Variants in ANKRD28 observed in about 807,000 individuals in gnomAD.
The protein encoded by ANKRD28 is ankyrin repeat domain 28.
ANKRD28 carries 44 observed loss-of-function variants against 126.5 expected under a neutral mutation model. The ratio of observed to expected loss-of-function variants is 0.35; its 90% CI spans 0.27 to 0.45. ANKRD28 has a LOEUF of 0.45. ANKRD28 is among the 20% of genes least tolerant of loss of function. The pLI is 1.00. For missense variants in ANKRD28, 1,110 were observed against 1,316.6 expected, an observed-to-expected ratio of 0.84 and a Z score of 2.43; for synonymous variants, 442 against 468.5, an observed-to-expected ratio of 0.94 and a Z score of 0.73.
rs1479247073 is a variant in ANKRD28 at position 15,681,497 on chromosome 3, CTTATT to C, written c.2390-1939_2390-1935del. 2.6e-5 allele frequency among the ~76,000 whole-genome samples: 4 copies of C among 152,216 alleles called. No individual in the cohort carries two copies. In the East Asian group the frequency reaches 7.7e-4, roughly 29 times the overall value. On this transcript the variant is annotated intron_variant, in intron 21 of 27. Coordinates refer to ENST00000683139, the MANE Select transcript of ANKRD28 (RefSeq NM_001349278.2). ...CCTAATTACTACAAATAAAATGTTG[CTTATT>C]TTATTTCATTAGTCATTTGGGATCT...
intron 14 of ANKRD28, among the ~76,000 whole-genome samples, chr3:15,697,605 T>C (rs957575879): frequency 6.6e-6 from 1 of 151,782 alleles, no homozygotes; most frequent in African/African-American, 2.4e-5. Context: ...TGAAGCCGAG[T>C]TGATTGTGGT....
chr3:15,787,024 A>AC (rs2059813567), intron 2 of ANKRD28, among the ~76,000 whole-genome samples: 1 of 152,156 alleles, frequency 6.6e-6, no homozygotes, highest in Non-Finnish European at 1.5e-5. Flanking sequence ...TTACCAATGA[A>AC]GAGGGTTAAT....
intron 2 of ANKRD28, chr3:15,781,657 T>C (rs2059544104): frequency 2.6e-5 from 4 of 152,184 alleles, no homozygotes. Context: ...GAAGTACTGC[T>C]GGAATATAAA....
chr3:15,792,707 G>T (rs2060089301), intron 2 of ANKRD28, among the ~76,000 whole-genome samples: 1 of 152,126 alleles, frequency 6.6e-6, no homozygotes, highest in African/African-American at 2.4e-5. Flanking sequence ...CTTAAATAAT[G>T]TAATTGGAAT....
intron 1 of ANKRD28, among the ~76,000 whole-genome samples, chr3:15,819,348 C>T (rs1336819484): frequency 6.6e-6 from 1 of 152,082 alleles, no homozygotes; most frequent in African/African-American, 2.4e-5. Flanking sequence ...TGGAAGGCGA[C>T]AGAAGAGTCC....
intron 6 of ANKRD28, among the ~76,000 whole-genome samples, chr3:15,724,903 C>G (rs1204150974): frequency 6.6e-6 from 1 of 152,056 alleles, no homozygotes; most frequent in African/African-American, 2.4e-5. Context: ...ATTACTTGAG[C>G]CTGGGAGGTT....
At chr3:15,739,977 T>C (rs918922655) in intron 4 of ANKRD28, among the ~76,000 whole-genome samples, 1 of 152,250 alleles carries the variant, frequency 6.6e-6, no homozygotes, top group African/African-American at 2.4e-5. Flanking sequence ...AGCAGTTTTA[T>C]TCCTAACCAC....
intron 6 of ANKRD28, among the ~76,000 whole-genome samples, chr3:15,727,514 C>T (rs2074254981): frequency 7.5e-6 from 1 of 132,488 alleles, no homozygotes; most frequent in Non-Finnish European, 1.5e-5. Flanking sequence ...CTGCAGTGAG[C>T]CAAGATCACA....
rs546770277 is a variant in ANKRD28 at position 15,797,253 on chromosome 3, C to A, written c.-732G>T. The A allele has an allele frequency of 3.1e-6, 3 of 982,876 alleles. No homozygotes were observed. The highest frequency in any genetic ancestry group is 3.6e-6 in the Non-Finnish European group (3 of 829,524). 60.9% of individuals were successfully genotyped at this position (982,876 alleles called of 1,614,324 possible). A position where few individuals can be genotyped will look rare whatever the true frequency, so the allele number is the denominator to read the frequency against. On this transcript the variant is annotated 5_prime_UTR_variant, in exon 1 of 28. Transcript: ENST00000683139. Reference sequence around the variant, plus strand: ...CTGCATTAATAGCAAAGCTGCAGTACGTTTACATGTGATGAGTCAGACCAC... The same window carrying A: ...CTGCATTAATAGCAAAGCTGCAGTAAGTTTACATGTGATGAGTCAGACCAC...
chr3:15,747,160 TCTTTC>T (rs1253917719), intron 4 of ANKRD28, among the ~76,000 whole-genome samples: 5 of 150,664 alleles, frequency 3.3e-5, no homozygotes, highest in African/African-American at 1.2e-4. Flanking sequence ...GTTTCATTTA[TCTTTC>T]CTTTTTTTTT....
At position 15,843,206 on chromosome 3, in the gene ANKRD28, G is replaced by A. The variant is rs534672352; in HGVS notation, c.27+16171C>T. Among the ~76,000 whole-genome samples the A allele has an allele frequency of 1.3e-5, 2 of 152,224 alleles. No homozygotes were observed. The highest frequency in any genetic ancestry group is 2.1e-4 in the South Asian group (1 of 4,812). On this transcript the variant is annotated intron_variant, in intron 1 of 27. Transcript: ENST00000399451. This position sits in a 1 kb window ranked among gnomAD's most constrained non-coding sequence, Gnocchi z 5.2. ...GTAGGAGCAAGACAGATCAAGTGGC[G>A]AGGTGCCACACACTTTTAAATGACC...
intron 1 of ANKRD28, among the ~76,000 whole-genome samples, chr3:15,844,448 G>GAA (rs139874890): frequency 1.4e-5 from 2 of 144,926 alleles, no homozygotes; most frequent in East Asian, 2.0e-4. Flanking sequence ...TGTGGTCAGA[G>GAA]AAAAAAAAAA....
chr3:15,780,989 A>G (rs796687495), intron 2 of ANKRD28, among the ~76,000 whole-genome samples: 5 of 152,212 alleles, frequency 3.3e-5, no homozygotes, highest in African/African-American at 9.6e-5. Context: ...GGGAAGCACC[A>G]CAATACTGGT....
Position 15,817,927 on chromosome 3 carries a change from T to C in ANKRD28, c.28-22621A>G, listed in dbSNP as rs1259793715. Among the ~76,000 whole-genome samples, 2 of 152,162 alleles carry C rather than the reference T, an allele frequency of 1.3e-5. No individual in the cohort carries two copies. The highest frequency in any genetic ancestry group is 3.8e-4 in the East Asian group (2 of 5,200). ...CCTAGAATTAATAAGTTTAGCAAAG[T>C]CATAGATTACCATTGCTGTTTCTAC... On this transcript the variant is annotated intron_variant, in intron 1 of 27. Coordinates refer to the ANKRD28 transcript ENST00000399451. This position sits in a 1 kb window ranked among gnomAD's most constrained non-coding sequence, Gnocchi z 4.5.
At chr3:15,806,099 C>T (rs2060570806) in intron 1 of ANKRD28, among the ~76,000 whole-genome samples, 1 of 152,142 alleles carries the variant, frequency 6.6e-6, no homozygotes, top group Admixed American at 6.5e-5. Context: ...TACATAGCAC[C>T]TTCTATTGTT....
intron 18 of ANKRD28, 81 bp from the exon 19 acceptor site, chr3:15,686,390 G>A: frequency 8.6e-7 from 1 of 1,163,692 alleles, no homozygotes; most frequent in East Asian, 2.6e-5. Flanking sequence ...ACATCTTCTA[G>A]AATTTACTTT....
intron 21 of ANKRD28, chr3:15,684,713 C>G (rs2067908434): frequency 6.5e-6 from 1 of 153,106 alleles, no homozygotes. Flanking sequence ...TAGTGGGACT[C>G]TTAAAAAAAA....
At chr3:15,832,653 G>A (rs565007923) in intron 1 of ANKRD28, among the ~76,000 whole-genome samples, 5 of 152,054 alleles carry the variant, frequency 3.3e-5, no homozygotes, top group Non-Finnish European at 7.4e-5. Flanking sequence ...TATCCCCTTG[G>A]TATGTCCCAT....
At chr3:15,748,063 T>A (rs76075170) in intron 4 of ANKRD28, among the ~76,000 whole-genome samples, 2,512 of 152,290 alleles carry the variant, frequency 0.016, 66 homozygotes, top group African/African-American at 0.057. Flanking sequence ...TCTACCCCTT[T>A]ACTTAAGTTT....
Sources: gnomAD v4.1 joint callset for allele counts (sites outside exome capture counted in the v4.1 genomes callset) on GRCh38, gnomAD v4.1.1 for gene constraint, Gnocchi (gnomAD v3.1) non-coding constraint, MANE v1.5 for transcripts, NCBI Gene and HGNC (gene_info 2026-07-23, HGNC 2026-07-21) for gene names.